Variants in LRBA observed in about 807,000 individuals in gnomAD.
LRBA encodes LPS responsive beige-like anchor protein, also known as lipopolysaccharide-responsive and beige-like anchor protein.
LRBA carries 176 observed loss-of-function variants against 330.0 expected under a neutral mutation model. The observed-to-expected ratio is 0.53, with a 90% CI of 0.47 to 0.60. The LOEUF is 0.60. Ranked by LOEUF, LRBA falls within the 20% of genes least tolerant of loss-of-function variation. The pLI is 0.00. For missense variants in LRBA, 3,259 were observed against 3,444.8 expected (o/e 0.95, Z 1.35); for synonymous variants, 1,230 against 1,193.0 (o/e 1.03, Z -0.64).
chr4:150,997,128 A>G (rs768833895), intron 2 of LRBA, among the ~76,000 whole-genome samples: 1 of 152,196 alleles, frequency 6.6e-6, no homozygotes, highest in Non-Finnish European at 1.5e-5. Flanking sequence ...AAATAACTTG[A>G]CGTGACTGTT....
intron 4 of LRBA, among the ~76,000 whole-genome samples, chr4:150,921,967 C>T (rs1431836137): frequency 6.6e-6 from 1 of 152,200 alleles, no homozygotes; most frequent in East Asian, 1.9e-4. Context: ...AGGTGATCCA[C>T]CTGCCTGGGC....
chr4:150,625,991 C>T (rs1426884421), intron 37 of LRBA, among the ~76,000 whole-genome samples: 3 of 151,668 alleles, frequency 2.0e-5, no homozygotes, highest in African/African-American at 4.9e-5. Context: ...AGTCCTTGGC[C>T]GGATATATTT....
intron 56 of LRBA, among the ~76,000 whole-genome samples, chr4:150,273,457 T>C (rs554494158): frequency 1.2e-3 from 182 of 152,252 alleles, no homozygotes; most frequent in African/African-American, 4.2e-3. Context: ...AATTCACACA[T>C]AACAATATTA....
chr4:150,642,109 T>C (rs1671337375), intron 37 of LRBA, among the ~76,000 whole-genome samples: 1 of 152,036 alleles, frequency 6.6e-6, no homozygotes, highest in African/African-American at 2.4e-5. Flanking sequence ...GACATTTTGA[T>C]TAGTAAAATA....
chr4:150,965,059 G>T (rs1738726287), intron 2 of LRBA, among the ~76,000 whole-genome samples: 1 of 152,022 alleles, frequency 6.6e-6, no homozygotes, highest in South Asian at 2.1e-4. Context: ...TATAATCCCT[G>T]GGAAGGCAGT....
intron 17 of LRBA, among the ~76,000 whole-genome samples, chr4:150,885,899 C>T (rs2127068222): frequency 6.6e-6 from 1 of 152,074 alleles, no homozygotes; most frequent in South Asian, 2.1e-4. Flanking sequence ...CTGAGATGAA[C>T]AAAGACTGAG....
At chr4:150,725,364 T>C (rs1729531755) in intron 36 of LRBA, among the ~76,000 whole-genome samples, 1 of 152,120 alleles carries the variant, frequency 6.6e-6, no homozygotes, top group Non-Finnish European at 1.5e-5. Flanking sequence ...TCACATACAA[T>C]GGTGCTTCAA....
chr4:150,567,046 T>C (rs1370275119), intron 40 of LRBA, among the ~76,000 whole-genome samples: 2 of 152,124 alleles, frequency 1.3e-5, no homozygotes, highest in East Asian at 3.9e-4. Flanking sequence ...TAACTACCAA[T>C]CACTTTAAAA....
chr4:150,388,644 AT>A (rs1442749570), intron 47 of LRBA, among the ~76,000 whole-genome samples: 1 of 152,160 alleles, frequency 6.6e-6, no homozygotes, highest in Non-Finnish European at 1.5e-5. Context: ...TTGTGATATA[AT>A]TTTTTAAAAG....
intron 40 of LRBA, among the ~76,000 whole-genome samples, chr4:150,546,432 GACACTAAGC>G (rs1765869598): frequency 6.6e-6 from 1 of 152,152 alleles, no homozygotes; most frequent in Non-Finnish European, 1.5e-5. Flanking sequence ...GCCCTTTTGG[GACACTAAGC>G]CTGCATTTAC....
rs34497958 is a variant in LRBA, at chr4:150,555,756, A to AACACACACACACACAC, written c.6330+32276_6330+32291dup. ...ACAGAGTGAGACTCTGTCTTATAAA[A>AACACACACACACACAC]ACACACACACACACACACACACACA... On this transcript the variant is annotated intron_variant, in intron 40 of 56. Coordinates refer to ENST00000651943, the MANE Select transcript of LRBA (RefSeq NM_001364905.1). Among the ~76,000 whole-genome samples the AACACACACACACACAC allele has an allele frequency of 4.0e-3, 577 of 144,686 alleles. 9 individuals are homozygous for AACACACACACACACAC. In the East Asian group the frequency reaches 0.044, roughly 11 times the overall value. The allele number at this position is 144,686 out of a possible 152,430, so 94.9% of individuals were successfully genotyped here. A position where few individuals can be genotyped will look rare whatever the true frequency, so the allele number is the denominator to read the frequency against.
chr4:150,733,565 C>T (rs924769564), intron 36 of LRBA, among the ~76,000 whole-genome samples: 1 of 52,852 alleles, frequency 1.9e-5, no homozygotes, highest in Admixed American at 2.3e-4. Flanking sequence ...GTCTCTCTCT[C>T]TCTCTCTCTC....
chr4:150,419,038 G>A (rs1748195870), intron 46 of LRBA, among the ~76,000 whole-genome samples: 1 of 152,166 alleles, frequency 6.6e-6, no homozygotes, highest in Non-Finnish European at 1.5e-5. Flanking sequence ...GGGGAATGGT[G>A]AGCGGGTCAC....
intron 52 of LRBA, among the ~76,000 whole-genome samples, chr4:150,309,974 A>G (rs1231653178): frequency 6.6e-6 from 1 of 152,168 alleles, no homozygotes; most frequent in Non-Finnish European, 1.5e-5. Context: ...AAAATGAATC[A>G]TTTATTCTGT....
chr4:150,605,516 T>A (rs2126544737), intron 37 of LRBA, among the ~76,000 whole-genome samples: 1 of 152,314 alleles, frequency 6.6e-6, no homozygotes, highest in Middle Eastern at 3.4e-3. Flanking sequence ...TGCCTGTTTT[T>A]TAAACTCCTA....
intron 18 of LRBA, 62 bp downstream of exon 18, chr4:150,872,601 C>T (rs1753566430): frequency 1.8e-6 from 2 of 1,134,064 alleles, no homozygotes; most frequent in Admixed American, 4.0e-5. Context: ...ATTACTACTG[C>T]AAAGATTTAT....
chr4:150,809,850 A>AATACGATACGATACGATACG (rs70941451), intron 31 of LRBA, among the ~76,000 whole-genome samples: 19 of 87,818 alleles, frequency 2.2e-4, no homozygotes, highest in East Asian at 3.8e-4. Flanking sequence ...CCTGTCTTAA[A>AATACGATACGATACGATACG]ATACGATACG....
chr4:150,585,842 A>T (rs1004800952), intron 40 of LRBA, among the ~76,000 whole-genome samples: 1 of 152,214 alleles, frequency 6.6e-6, no homozygotes, highest in African/African-American at 2.4e-5. Flanking sequence ...GTATGGAGGG[A>T]TGAGCAGCAG....
chr4:150,324,357 TA>T (rs1262275632), intron 49 of LRBA, among the ~76,000 whole-genome samples: 16 of 152,214 alleles, frequency 1.1e-4, no homozygotes, highest in African/African-American at 3.9e-4. Context: ...TTGTTCTTGC[TA>T]AATGTTTGCT....
Sources: allele counts gnomAD v4.1 joint callset (sites outside exome capture counted in the v4.1 genomes callset), GRCh38; gene constraint gnomAD v4.1.1; transcripts MANE v1.5; gene names NCBI Gene and HGNC (gene_info 2026-07-23, HGNC 2026-07-21).